The following RAPGEF2 variants were observed in gnomAD, a reference collection of about 807,000 sequenced individuals.
The protein encoded by RAPGEF2 is Rap guanine nucleotide exchange factor 2.
Under a neutral mutation model 186.7 loss-of-function variants are expected in RAPGEF2, and 54 were observed. That is an observed-to-expected ratio of 0.29 (90% confidence interval 0.23 to 0.36). RAPGEF2 has a LOEUF of 0.36. RAPGEF2 is among the 10% of genes least tolerant of loss of function. RAPGEF2 has a pLI of 1.00. For missense variants in RAPGEF2, 1,532 were observed against 2,045.0 expected, an observed-to-expected ratio of 0.75 and a Z score of 4.84; for synonymous variants, 712 against 705.9, an observed-to-expected ratio of 1.01 and a Z score of -0.14.
chr4:159,193,634 G>A (rs1200493841), intron 3 of RAPGEF2, among the ~76,000 whole-genome samples: 3 of 152,192 alleles, frequency 2.0e-5, no homozygotes, highest in Admixed American at 2.0e-4. Context: ...TTAGTTTATA[G>A]TTCTTTCAGA....
chr4:159,349,203 G>A (rs758481939), intron 25 of RAPGEF2, among the ~76,000 whole-genome samples: 15 of 152,142 alleles, frequency 9.9e-5, no homozygotes, highest in Non-Finnish European at 1.9e-4. Flanking sequence ...AAAAAAGATT[G>A]TATTAAAACA....
At chr4:159,129,846 A>G (rs1403946712) in intron 1 of RAPGEF2, among the ~76,000 whole-genome samples, 1 of 152,214 alleles carries the variant, frequency 6.6e-6, no homozygotes, top group Non-Finnish European at 1.5e-5. Context: ...CATAGAATAA[A>G]GTGAAAGCAA....
intron 7 of RAPGEF2, among the ~76,000 whole-genome samples, chr4:159,295,750 TGTGTGCGCGCGCGCGC>T (rs1035197663): frequency 4.8e-5 from 5 of 104,520 alleles, no homozygotes; most frequent in Non-Finnish European, 8.3e-5. Context: ...TGTGTGTGTG[TGTGTGCGCGCGCGCGC>T]GCGCGCGCAT....
chr4:159,113,057 A>G (rs1247285652), intron 1 of RAPGEF2, among the ~76,000 whole-genome samples: 1 of 152,202 alleles, frequency 6.6e-6, no homozygotes, highest in Non-Finnish European at 1.5e-5. Context: ...ATTTAAGGAC[A>G]TTTTACAAAA....
chr4:159,345,250 C>T lies in RAPGEF2; in HGVS notation c.3423C>T (p.Tyr1141=). The T allele has an allele frequency of 6.2e-7, 1 of 1,614,172 alleles. No homozygotes were observed. Residue 1141 remains tyrosine, a synonymous_variant, in exon 24 of 30, where the codon TAC becomes TAT. Coordinates refer to ENST00000691494, the MANE Select transcript of RAPGEF2 (RefSeq NM_001394067.2). Reference sequence around the variant, plus strand: ...AAATGGCTCGAAAAGTGAAGCAGTACCTTTCCAATTTGGAGCTAGAAATGG... The same window carrying T: ...AAATGGCTCGAAAAGTGAAGCAGTATCTTTCCAATTTGGAGCTAGAAATGG... The part of the protein sequence containing the change: ...DAQMARKVKQ[Y]LSNLELEMDE...
intron 1 of RAPGEF2, among the ~76,000 whole-genome samples, chr4:159,172,997 C>T (rs1173651297): frequency 1.3e-5 from 2 of 152,214 alleles, no homozygotes; most frequent in East Asian, 3.9e-4. Context: ...TTTGAACAGA[C>T]CTAAAATTTC....
chr4:159,352,122 T>C (rs1002325159), intron 26 of RAPGEF2, among the ~76,000 whole-genome samples: 2 of 152,272 alleles, frequency 1.3e-5, no homozygotes, highest in African/African-American at 4.8e-5. Flanking sequence ...GATTGGCTTT[T>C]ATGTGGTTCA....
Position 159,104,251 on chromosome 4 carries a change from C to T in RAPGEF2, c.69+20C>T. 8.5e-7 allele frequency: 1 copy of T among 1,174,508 alleles called. No individual in the cohort carries two copies. Among genetic ancestry groups the T allele is most frequent in the South Asian group, 1.5e-5 (1 of 68,820 alleles). 72.8% of individuals were successfully genotyped at this position (1,174,508 alleles called of 1,614,324 possible). A position where few individuals can be genotyped will look rare whatever the true frequency, so the allele number is the denominator to read the frequency against. The stretch of plus-strand genomic sequence containing the variant: ...CCCCAGGTGAGAACGCGGCGGCCGC[C>T]TGCCCTTGGCCGGATTTCTGCCTCG... On this transcript the variant is annotated intron_variant, in intron 1 of 29. Transcript: ENST00000691494.
intron 3 of RAPGEF2, among the ~76,000 whole-genome samples, chr4:159,207,029 A>G (rs1015435155): frequency 1.3e-5 from 2 of 152,250 alleles, no homozygotes; most frequent in South Asian, 2.1e-4. Context: ...TGCTTATCAT[A>G]TGTGGCCTGG....
chr4:159,255,982 A>T (rs560402362), intron 7 of RAPGEF2, among the ~76,000 whole-genome samples: 4 of 152,358 alleles, frequency 2.6e-5, no homozygotes, highest in African/African-American at 9.6e-5. Context: ...TAAGCATTTC[A>T]TAGATGATCA....
At chr4:159,125,551 G>A (rs1740197921) in intron 1 of RAPGEF2, among the ~76,000 whole-genome samples, 1 of 152,094 alleles carries the variant, frequency 6.6e-6, no homozygotes, top group Admixed American at 6.6e-5. Flanking sequence ...GAGGTCAGGA[G>A]ATTGAGACCA....
At chr4:159,340,667 CCACACACACACACACACACA>C (rs3071283) in intron 19 of RAPGEF2, among the ~76,000 whole-genome samples, 1 of 76,846 alleles carries the variant, frequency 1.3e-5, no homozygotes, top group Non-Finnish European at 2.6e-5. Flanking sequence ...ACCACCATCA[CCACACACACACACACACACA>C]CACACACACA....
intron 1 of RAPGEF2, among the ~76,000 whole-genome samples, chr4:159,163,456 TAAG>T (rs568583171): frequency 7.7e-4 from 117 of 152,254 alleles, no homozygotes; most frequent in African/African-American, 2.4e-3. Context: ...ATAAAGCAAA[TAAG>T]AAAGTTTATA....
intron 28 of RAPGEF2, among the ~76,000 whole-genome samples, chr4:159,355,045 G>A (rs865806860): frequency 5.3e-5 from 8 of 152,302 alleles, no homozygotes; most frequent in Non-Finnish European, 1.0e-4. Context: ...AATGAATAAG[G>A]AGAAAACAGT....
At chr4:159,153,116 C>G (rs1374190645) in intron 1 of RAPGEF2, among the ~76,000 whole-genome samples, 2 of 152,152 alleles carry the variant, frequency 1.3e-5, no homozygotes, top group Admixed American at 6.5e-5. Flanking sequence ...CTTTATCAAA[C>G]AACTTCATTA....
intron 3 of RAPGEF2, among the ~76,000 whole-genome samples, chr4:159,204,076 G>A (rs1031418341): frequency 3.9e-5 from 6 of 152,168 alleles, no homozygotes; most frequent in African/African-American, 9.7e-5. Flanking sequence ...CATCTGATCC[G>A]ATTTACCTGA....
chr4:159,132,011 T>C (rs553826335), intron 1 of RAPGEF2, among the ~76,000 whole-genome samples: 2 of 152,262 alleles, frequency 1.3e-5, no homozygotes, highest in South Asian at 2.1e-4. Context: ...TTTGAAACTA[T>C]CAAGTTGGAG....
chr4:159,211,888 T>C (rs1750567513), intron 4 of RAPGEF2, among the ~76,000 whole-genome samples: 1 of 152,212 alleles, frequency 6.6e-6, no homozygotes, highest in South Asian at 2.1e-4. Context: ...GAAATGATGC[T>C]AGCATTGGTG....
At chr4:159,122,640 A>G (rs1280064481) in intron 1 of RAPGEF2, among the ~76,000 whole-genome samples, 2 of 152,226 alleles carry the variant, frequency 1.3e-5, no homozygotes, top group Admixed American at 6.5e-5. Context: ...ATAATTTTGT[A>G]GCCACCTCCT....
Sources: allele counts gnomAD v4.1 joint callset (sites outside exome capture counted in the v4.1 genomes callset), GRCh38; gene constraint gnomAD v4.1.1; transcripts MANE v1.5; gene names NCBI Gene and HGNC (gene_info 2026-07-23, HGNC 2026-07-21).